The following MSI2 variants were observed in gnomAD, a reference collection of about 807,000 sequenced individuals.
MSI2 encodes RNA-binding protein Musashi homolog 2.
A neutral mutation model predicts 45.6 loss-of-function variants in MSI2; 17 were observed. That is an observed-to-expected ratio of 0.37 (90% CI 0.26 to 0.56). MSI2 has a LOEUF of 0.56. Among genes scored for constraint, MSI2 ranks in the 20% least tolerant of loss-of-function variants. The pLI, the probability that MSI2 is intolerant of heterozygous loss-of-function variation, is 0.77. For missense variants in MSI2, 293 were observed against 444.2 expected, an observed-to-expected ratio of 0.66 and a Z score of 3.06; for synonymous variants, 156 against 158.2, an observed-to-expected ratio of 0.99 and a Z score of 0.11.
intron 5 of MSI2, among the ~76,000 whole-genome samples, chr17:57,391,533 G>A (rs893024948): frequency 6.6e-6 from 1 of 152,158 alleles, no homozygotes; most frequent in African/African-American, 2.4e-5. Flanking sequence ...CCTTGGGCCT[G>A]TGCTTTAGTC....
intron 7 of MSI2, among the ~76,000 whole-genome samples, chr17:57,559,242 C>T (rs1375443482): frequency 3.3e-5 from 5 of 152,156 alleles, no homozygotes; most frequent in East Asian, 3.8e-4. Flanking sequence ...GGCTAAAACA[C>T]GCCCATGTGA....
At chr17:57,629,642 T>A (rs988222172) in intron 10 of MSI2, 3 of 152,284 alleles carry the variant, frequency 2.0e-5, no homozygotes, top group African/African-American at 7.2e-5. Flanking sequence ...GTCCACACAC[T>A]CACACATGCG....
At chr17:57,489,312 G>A (rs1308995562) in intron 6 of MSI2, among the ~76,000 whole-genome samples, 1 of 152,208 alleles carries the variant, frequency 6.6e-6, no homozygotes, top group African/African-American at 2.4e-5. Flanking sequence ...CCCCTAAAGA[G>A]GCATGTAGCA....
chr17:57,659,056 TTTGG>T (rs199585902), intron 11 of MSI2, among the ~76,000 whole-genome samples: 12 of 108,012 alleles, frequency 1.1e-4, no homozygotes, highest in African/African-American at 2.3e-4. Flanking sequence ...TTTTTTTTTA[TTTGG>T]TTGGTTGGTT....
intron 5 of MSI2, among the ~76,000 whole-genome samples, chr17:57,373,056 C>T (rs2083443712): frequency 6.6e-6 from 1 of 152,062 alleles, no homozygotes; most frequent in Admixed American, 6.6e-5. Context: ...CAAGACCAGC[C>T]TGGCCAACAT....
At chr17:57,601,774 G>A (rs1043640701) in intron 8 of MSI2, 3 of 152,232 alleles carry the variant, frequency 2.0e-5, no homozygotes, top group Non-Finnish European at 2.9e-5. Flanking sequence ...GAAAGGAATC[G>A]GTGCTTATAG....
intron 7 of MSI2, among the ~76,000 whole-genome samples, chr17:57,538,633 C>A (rs142430855): frequency 2.6e-5 from 4 of 152,148 alleles, no homozygotes; most frequent in African/African-American, 9.7e-5. Context: ...AGTGAAACCA[C>A]CTGCTTAACT....
intron 5 of MSI2, among the ~76,000 whole-genome samples, chr17:57,343,402 C>G (rs993633978): frequency 3.3e-5 from 5 of 151,952 alleles, no homozygotes; most frequent in Non-Finnish European, 7.4e-5. Flanking sequence ...TCCTTGTATG[C>G]TCCACTCACA....
intron 9 of MSI2, among the ~76,000 whole-genome samples, chr17:57,621,416 A>T (rs1908280863): frequency 6.6e-6 from 1 of 152,244 alleles, no homozygotes; most frequent in African/African-American, 2.4e-5. Context: ...GAGACTATAA[A>T]CCATTAAAAC....
At chr17:57,674,460 T>C (rs1913075300) in intron 11 of MSI2, among the ~76,000 whole-genome samples, 1 of 152,174 alleles carries the variant, frequency 6.6e-6, no homozygotes, top group Non-Finnish European at 1.5e-5. Context: ...ATTGCTTTGT[T>C]TCCTGTCACG....
At chr17:57,258,158 G>T (rs1906991771) in intron 3 of MSI2, 112 bp from the exon 4 acceptor site, 1 of 813,996 alleles carries the variant, frequency 1.2e-6, no homozygotes, top group Non-Finnish European at 2.1e-6. Context: ...GGGAGGTGGG[G>T]GTGCGTGGGG....
intron 5 of MSI2, among the ~76,000 whole-genome samples, chr17:57,370,749 C>T (rs1311378873): frequency 6.6e-6 from 1 of 152,148 alleles, no homozygotes; most frequent in Non-Finnish European, 1.5e-5. Flanking sequence ...AAGTTATGGA[C>T]CCTTTACCCA....
At chr17:57,374,713 A>G (rs2083469174) in intron 5 of MSI2, among the ~76,000 whole-genome samples, 1 of 152,184 alleles carries the variant, frequency 6.6e-6, no homozygotes, top group African/African-American at 2.4e-5. Flanking sequence ...CAGGAGGCAG[A>G]GGTTGCAGTA....
intron 5 of MSI2, among the ~76,000 whole-genome samples, chr17:57,388,845 A>G (rs1175985939): frequency 6.6e-6 from 1 of 151,272 alleles, no homozygotes; most frequent in South Asian, 2.1e-4. Flanking sequence ...GTAGAAGTGG[A>G]GTTTTGCCAT....
chr17:57,470,138 A>G (rs1229245071), intron 6 of MSI2, among the ~76,000 whole-genome samples: 1 of 152,008 alleles, frequency 6.6e-6, no homozygotes, highest in African/African-American at 2.4e-5. Context: ...CTTCTAGCCC[A>G]TACCCCTCTG....
chr17:57,515,397 G>A (rs562719076), intron 6 of MSI2, among the ~76,000 whole-genome samples: 19 of 152,276 alleles, frequency 1.2e-4, no homozygotes, highest in African/African-American at 4.3e-4. Context: ...TGGAGATGGA[G>A]TTTTGCCATG....
At chr17:57,429,379 G>T (rs560570318) in intron 6 of MSI2, among the ~76,000 whole-genome samples, 60 of 152,308 alleles carry the variant, frequency 3.9e-4, no homozygotes, top group African/African-American at 1.0e-3. Context: ...ATCATGTGCT[G>T]CCAGACACTG....
chr17:57,609,579 C>A (rs1169682409), intron 8 of MSI2, among the ~76,000 whole-genome samples: 1 of 152,258 alleles, frequency 6.6e-6, no homozygotes, highest in Non-Finnish European at 1.5e-5. Context: ...TCCCTCTGGG[C>A]CCCAAGGCCG....
intron 5 of MSI2, among the ~76,000 whole-genome samples, chr17:57,269,472 G>A (rs1325349402): frequency 6.6e-6 from 1 of 152,230 alleles, no homozygotes; most frequent in Non-Finnish European, 1.5e-5. Context: ...TGCAGGCTAT[G>A]TTCTCTCTGG....
Sources: gnomAD v4.1 joint callset for allele counts (sites outside exome capture counted in the v4.1 genomes callset) on GRCh38, gnomAD v4.1.1 for gene constraint, MANE v1.5 for transcripts, NCBI Gene and HGNC (gene_info 2026-07-23, HGNC 2026-07-21) for gene names.